The following SKAP1 variants were observed in gnomAD, a reference collection of about 807,000 sequenced individuals.
The protein encoded by SKAP1 is src kinase-associated phosphoprotein 1.
In SKAP1, 44 loss-of-function variants were observed where a neutral mutation model predicts 58.5. That is an observed-to-expected ratio of 0.75 (90% CI 0.59 to 0.97). The LOEUF is 0.97. SKAP1 is among the 50% of genes least tolerant of loss of function. The pLI is 0.00. For missense variants in SKAP1, 390 were observed against 435.2 expected (o/e 0.90, Z 0.92); for synonymous variants, 127 against 149.7 (o/e 0.85, Z 1.11).
At chr17:48,432,926 T>C (rs1488688356), upstream of SKAP1, among the ~76,000 whole-genome samples, 3 of 152,248 alleles carry the variant, frequency 2.0e-5, no homozygotes, top group South Asian at 4.1e-4. Flanking sequence ...GTACGTATTC[T>C]ATATGCATCC....
At chr17:48,268,298 A>C (rs1269785285) in intron 4 of SKAP1, among the ~76,000 whole-genome samples, 1 of 151,760 alleles carries the variant, frequency 6.6e-6, no homozygotes, top group Non-Finnish European at 1.5e-5. Flanking sequence ...CCTGTGTTAC[A>C]TATTGTGCTT....
chr17:48,184,935 G>T, intron 6 of SKAP1, 88 bp from the exon 7 acceptor site: 1 of 1,338,922 alleles, frequency 7.5e-7, no homozygotes, highest in Non-Finnish European at 1.0e-6. Flanking sequence ...TAAAAGCACA[G>T]AAACAGCTGT....
At chr17:48,171,767 A>G (rs921448396) in intron 9 of SKAP1, among the ~76,000 whole-genome samples, 1 of 109,038 alleles carries the variant, frequency 9.2e-6, no homozygotes, top group Non-Finnish European at 2.0e-5. Flanking sequence ...GTGTGTGAAC[A>G]ACCCTCTGTG....
intron 11 of SKAP1, among the ~76,000 whole-genome samples, chr17:48,141,343 T>A (rs1431169691): frequency 6.6e-6 from 1 of 151,584 alleles, no homozygotes; most frequent in African/African-American, 2.4e-5. Flanking sequence ...TTGGAAACTT[T>A]CGGTGGGTTC....
At position 48,152,896 on chromosome 17, in the gene SKAP1, T is replaced by G. The variant is rs1381200380; in HGVS notation, c.978+9573A>C. Among the ~76,000 whole-genome samples, 5 of 152,314 alleles carry G rather than the reference T, an allele frequency of 3.3e-5. No homozygotes were observed. In the East Asian group the frequency reaches 9.6e-4, roughly 29 times the overall value. On this transcript the variant is annotated intron_variant, in intron 11 of 12. Transcript: ENST00000336915. ...TTTTTACACTGGAGTTTGTAAAGCA[T>G]CGGGCAATTCTGAGCATTAACCTAA...
intron 9 of SKAP1, among the ~76,000 whole-genome samples, chr17:48,174,462 C>T (rs912628225): frequency 6.6e-5 from 10 of 152,186 alleles, no homozygotes; most frequent in African/African-American, 2.2e-4. Flanking sequence ...TACAAATAGG[C>T]ATACAAGTTA....
At chr17:48,361,268 CA>C in intron 3 of SKAP1, among the ~76,000 whole-genome samples, 1 of 150,250 alleles carries the variant, frequency 6.7e-6, no homozygotes, top group Non-Finnish European at 1.5e-5. Context: ...TGCAATGACA[CA>C]ATCTCGGCTC....
intron 4 of SKAP1, among the ~76,000 whole-genome samples, chr17:48,314,036 A>T (rs1485395333): frequency 6.6e-6 from 1 of 152,244 alleles, no homozygotes; most frequent in Non-Finnish European, 1.5e-5. Flanking sequence ...ATTTGTGAAT[A>T]TTCGTCTCTA....
chr17:48,218,834 T>C (rs909004467), intron 4 of SKAP1, among the ~76,000 whole-genome samples: 3 of 152,156 alleles, frequency 2.0e-5, no homozygotes, highest in African/African-American at 4.8e-5. Context: ...ATGCTTGAAA[T>C]ACTGCACCTT....
At chr17:48,163,271 CAA>C (rs1423747517) in intron 10 of SKAP1, among the ~76,000 whole-genome samples, 19 of 152,086 alleles carry the variant, frequency 1.2e-4, no homozygotes, top group African/African-American at 3.9e-4. Flanking sequence ...GAACAGAAAC[CAA>C]AGTGATCTGC....
chr17:48,353,063 C>T (rs569158810), intron 3 of SKAP1, among the ~76,000 whole-genome samples: 23 of 151,446 alleles, frequency 1.5e-4, no homozygotes, highest in African/African-American at 5.2e-4. Context: ...GAGAGTAGAA[C>T]TGACAGACAA....
intron 1 of SKAP1, among the ~76,000 whole-genome samples, chr17:48,405,496 C>CCTTT (rs2067569024): frequency 8.9e-6 from 1 of 112,796 alleles, no homozygotes; most frequent in African/African-American, 3.3e-5. Flanking sequence ...TCTTTTCTTT[C>CCTTT]CTTTCTTTCT....
At chr17:48,366,774 C>A (rs1227733697) in intron 2 of SKAP1, among the ~76,000 whole-genome samples, 2 of 152,054 alleles carry the variant, frequency 1.3e-5, no homozygotes, top group South Asian at 4.2e-4. Flanking sequence ...TCCCTAACCC[C>A]CAATTCCTAT....
intron 2 of SKAP1, among the ~76,000 whole-genome samples, chr17:48,378,065 C>T (rs911121367): frequency 6.6e-6 from 1 of 152,144 alleles, no homozygotes; most frequent in African/African-American, 2.4e-5. Flanking sequence ...GTCACCAAGA[C>T]CTGTAGATTC....
intron 4 of SKAP1, among the ~76,000 whole-genome samples, chr17:48,234,633 G>GCAT (rs1250033229): frequency 1.3e-5 from 2 of 152,066 alleles, no homozygotes; most frequent in South Asian, 2.1e-4. Context: ...CCTTTATTCA[G>GCAT]CATCTGTTAT....
chr17:48,196,258 C>A (rs1018498786), intron 4 of SKAP1, among the ~76,000 whole-genome samples: 1 of 152,188 alleles, frequency 6.6e-6, no homozygotes, highest in Non-Finnish European at 1.5e-5. Context: ...CTCACTCCCC[C>A]ACAAAAAGAG....
rs138211737 is a variant in SKAP1, at chr17:48,134,584, G to T, written c.*8-768C>A. 9.2e-3 allele frequency among the ~76,000 whole-genome samples: 1,404 copies of T among 152,098 alleles called. 14 individuals carry two copies. The highest frequency in any genetic ancestry group is 0.015 in the Non-Finnish European group (1,042 of 67,998). ...GCTCCCCTTGGCCTCCCAAAGTGCT[G>T]GGATTACAGGCGTGAGCCACTGCGC... On this transcript the variant is annotated intron_variant, in intron 12 of 12. Coordinates refer to ENST00000336915, the MANE Select transcript of SKAP1 (RefSeq NM_003726.4).
chr17:48,299,693 T>C (rs967765541), intron 4 of SKAP1, among the ~76,000 whole-genome samples: 5 of 152,188 alleles, frequency 3.3e-5, no homozygotes, highest in Non-Finnish European at 7.3e-5. Flanking sequence ...GAGATGCCAG[T>C]GTATGTAATA....
chr17:48,240,637 C>T (rs2065235267), intron 4 of SKAP1, among the ~76,000 whole-genome samples: 1 of 152,158 alleles, frequency 6.6e-6, no homozygotes, highest in South Asian at 2.1e-4. Flanking sequence ...TGCCTGTCCA[C>T]CCTTCACACA....
Sources: allele counts gnomAD v4.1 joint callset (sites outside exome capture counted in the v4.1 genomes callset), GRCh38; gene constraint gnomAD v4.1.1; transcripts MANE v1.5; gene names NCBI Gene and HGNC (gene_info 2026-07-23, HGNC 2026-07-21).